Variants in RECQL5 observed in about 807,000 individuals in gnomAD.
The protein encoded by RECQL5 is ATP-dependent DNA helicase Q5.
A neutral mutation model predicts 103.4 loss-of-function variants in RECQL5; 88 were observed. The observed-to-expected ratio is 0.85, with a 90% CI of 0.72 to 1.02. The LOEUF (loss-of-function observed/expected upper bound fraction) is 1.02. Among genes scored for constraint, RECQL5 ranks in the 50% least tolerant of loss-of-function variants. RECQL5 has a pLI of 0.00. For missense variants in RECQL5, 1,232 were observed against 1,284.3 expected (o/e 0.96, Z 0.62); for synonymous variants, 552 against 507.9 (o/e 1.09, Z -1.17).
chr17:75,654,571 C>CT (rs1271732926), intron 7 of RECQL5, among the ~76,000 whole-genome samples: 3 of 152,096 alleles, frequency 2.0e-5, no homozygotes, highest in South Asian at 4.2e-4. Context: ...CTGAAGATGT[C>CT]TTTTTTTTCC....
intron 8 of RECQL5, chr17:75,634,028 C>G (rs780485545): frequency 2.0e-6 from 2 of 985,606 alleles, no homozygotes; most frequent in Non-Finnish European, 2.4e-6. Flanking sequence ...ACACTTGGAT[C>G]TCCAGGACGA....
chr17:75,646,228 G>A (rs147601709), intron 8 of RECQL5: 2,569 of 152,432 alleles, frequency 0.017, 35 homozygotes, highest in South Asian at 0.033. Flanking sequence ...GGCACCAGGC[G>A]CCAGCCAGGG....
At chr17:75,628,608 C>T in intron 17 of RECQL5, 64 bp downstream of exon 17, 1 of 1,523,828 alleles carries the variant, frequency 6.6e-7, no homozygotes, top group Non-Finnish European at 8.8e-7. Context: ...GAGCAGGGCA[C>T]AACAGCTCCT....
intron 8 of RECQL5, among the ~76,000 whole-genome samples, chr17:75,632,792 C>T (rs113422979): frequency 3.0e-4 from 46 of 152,350 alleles, no homozygotes; most frequent in African/African-American, 1.0e-3. Context: ...CCACCAGGAA[C>T]GTGGCACAGG....
chr17:75,660,629 G>A (rs1481075050), intron 6 of RECQL5, among the ~76,000 whole-genome samples: 1 of 152,208 alleles, frequency 6.6e-6, no homozygotes, highest in East Asian at 1.9e-4. Context: ...AACATGAGGT[G>A]CATGACTATA....
chr17:75,629,671 T>C, intron 15 of RECQL5, 37 bp downstream of exon 15: 3 of 1,571,688 alleles, frequency 1.9e-6, no homozygotes. Flanking sequence ...AAGCCTTTCC[T>C]GGTCACAGGT....
chr17:75,630,137 T>A, intron 14 of RECQL5, 47 bp downstream of exon 14: 1 of 1,463,430 alleles, frequency 6.8e-7, no homozygotes, highest in Non-Finnish European at 9.2e-7. Context: ...CGTCAGAGTA[T>A]GGAGGGGCCC....
chr17:75,661,559 G>A, intron 5 of RECQL5, 47 bp downstream of exon 5: 1 of 1,319,150 alleles, frequency 7.6e-7, no homozygotes, highest in East Asian at 2.3e-5. Context: ...GACCAGCTAA[G>A]AAGCCTCTGA....
intron 15 of RECQL5, 72 bp from the exon 16 acceptor site, chr17:75,629,547 GTAAC>G: frequency 1.3e-6 from 2 of 1,498,864 alleles, no homozygotes; most frequent in Non-Finnish European, 1.8e-6. Flanking sequence ...GGCTGGAGCA[GTAAC>G]TCACATTGGG....
chr17:75,656,714 C>T (rs1009798513), intron 7 of RECQL5, among the ~76,000 whole-genome samples: 3 of 149,714 alleles, frequency 2.0e-5, no homozygotes, highest in Non-Finnish European at 4.4e-5. Flanking sequence ...ATTATCCTTG[C>T]GAATTTATGT....
At chr17:75,647,746 A>G (rs1351631383) in intron 8 of RECQL5, 1 of 623,098 alleles carries the variant, frequency 1.6e-6, no homozygotes, top group Non-Finnish European at 2.8e-6. Context: ...GACTAGTAAG[A>G]TGGGGAGGCT....
chr17:75,640,276 C>G lies in RECQL5; in HGVS notation c.1230-8608G>C, dbSNP rs1212098757. ...TGCTGCTCAAGCTGCAGAGACTGCC[C>G]CAGGCTGAGCCCGTGGAGATCGTGG... On this transcript the variant is annotated intron_variant, in intron 8 of 19. Transcript: ENST00000317905. The surrounding 1 kb of genome is among the most constrained non-coding windows in gnomAD (Gnocchi z 4.6). 1 of 1,551,448 alleles carries G rather than the reference C, an allele frequency of 6.4e-7. No individual in the cohort carries two copies. Among genetic ancestry groups the G allele is most frequent in the South Asian group, 1.2e-5 (1 of 84,030 alleles).
chr17:75,644,579 T>A (rs1468465910), intron 8 of RECQL5, among the ~76,000 whole-genome samples: 1 of 151,978 alleles, frequency 6.6e-6, no homozygotes, highest in Non-Finnish European at 1.5e-5. Flanking sequence ...AGCAAGACCC[T>A]GTCTCAAAAA....
Position 75,643,446 on chromosome 17 carries a change from G to A in RECQL5, c.1229+7740C>T, listed in dbSNP as rs78371764. Among the ~76,000 whole-genome samples the A allele has an allele frequency of 7.4e-3, 1,124 of 152,356 alleles. 10 individuals carry two copies. The highest frequency in any genetic ancestry group is 0.026 in the African/African-American group (1,073 of 41,588). On this transcript the variant is annotated intron_variant, in intron 8 of 19. Transcript: ENST00000317905. Reference sequence around the variant, plus strand: ...ACAGGATTCGGTCCCTGCCCTCACAGGACTCACTCCTCCCTGCTCCTTGGC... The same window carrying A: ...ACAGGATTCGGTCCCTGCCCTCACAAGACTCACTCCTCCCTGCTCCTTGGC...
Position 75,653,917 on chromosome 17 carries a change from CA to C in RECQL5, c.1150-2653del, listed in dbSNP as rs138450030. ...AAAAACAAAACAAAACAAAACAAAA[CA>C]AAAAAAAAACCCCAAAAAAACAAAA... On this transcript the variant is annotated intron_variant, in intron 7 of 19. Transcript: ENST00000317905. Among the ~76,000 whole-genome samples, 234 of 145,566 alleles carry C rather than the reference CA, an allele frequency of 1.6e-3. 1 individual carries two copies. Among genetic ancestry groups the C allele is most frequent in the Non-Finnish European group, 2.3e-3 (150 of 65,910 alleles).
chr17:75,653,482 A>T (rs374255863), intron 7 of RECQL5, among the ~76,000 whole-genome samples: 186 of 152,352 alleles, frequency 1.2e-3, no homozygotes, highest in Non-Finnish European at 2.1e-3. Context: ...CTTGTGGCTG[A>T]ATCAACTAGC....
intron 8 of RECQL5, among the ~76,000 whole-genome samples, chr17:75,645,463 CTAT>C (rs959521223): frequency 6.6e-6 from 1 of 152,158 alleles, no homozygotes; most frequent in Non-Finnish European, 1.5e-5. Context: ...GGGGTTTCAG[CTAT>C]TATTGTTGCT....
intron 2 of RECQL5, 144 bp downstream of exon 2, chr17:75,666,284 A>T: frequency 1.0e-6 from 1 of 964,430 alleles, no homozygotes; most frequent in Non-Finnish European, 1.5e-6. Flanking sequence ...AAACGAAACT[A>T]CAAGCTTTGA....
rs2148221200 is a variant in RECQL5 at position 75,629,311 on chromosome 17, A to G, written c.2112T>C (p.Asp704=). The G allele has an allele frequency of 6.4e-7, 1 of 1,555,852 alleles. No individual in the cohort carries two copies. Among genetic ancestry groups the G allele is most frequent in the Non-Finnish European group, 8.7e-7 (1 of 1,149,596 alleles). ...TGGGCCCAGGGAGGGGCTCACTCCC[A>G]TCCTCATCCAGGAGGCCACAGGGCC... ...PSRPCGLLDE[D]GSEPLPGPRG... Residue 704 remains aspartate, a synonymous_variant, in exon 16 of 20, where the codon GAT becomes GAC. Coordinates refer to ENST00000317905, the MANE Select transcript of RECQL5 (RefSeq NM_004259.7).
Sources: allele counts gnomAD v4.1 joint callset (sites outside exome capture counted in the v4.1 genomes callset), GRCh38; gene constraint gnomAD v4.1.1; non-coding constraint Gnocchi (gnomAD v3.1); transcripts MANE v1.5; gene names NCBI Gene and HGNC (gene_info 2026-07-23, HGNC 2026-07-21).